APLP2: variants seen among roughly 807,000 people sequenced by gnomAD.
The protein encoded by APLP2 is CDEI box-binding protein.
Under a neutral mutation model 89.9 loss-of-function variants are expected in APLP2, and 53 were observed. The ratio of observed to expected loss-of-function variants is 0.59; its 90% CI spans 0.47 to 0.74. APLP2 has a LOEUF of 0.74. APLP2 is among the 30% of genes least tolerant of loss of function. The pLI, the probability that APLP2 is intolerant of heterozygous loss-of-function variation, is 0.00. For synonymous variants in APLP2, 372 were observed against 348.6 expected, an observed-to-expected ratio of 1.07 and a Z score of -0.75; for missense variants, 973 against 975.9, an observed-to-expected ratio of 1.00 and a Z score of 0.04.
At chr11:130,074,845 C>T (rs781383877) in intron 1 of APLP2, among the ~76,000 whole-genome samples, 4 of 152,000 alleles carry the variant, frequency 2.6e-5, no homozygotes, top group Non-Finnish European at 5.9e-5. Flanking sequence ...TAATGTTTTC[C>T]GTGTGACAAA....
At chr11:130,083,879 T>C (rs996071034) in intron 1 of APLP2, among the ~76,000 whole-genome samples, 2 of 152,196 alleles carry the variant, frequency 1.3e-5, no homozygotes, top group Non-Finnish European at 2.9e-5. Flanking sequence ...ATAATTCTAC[T>C]TTTAATTTTT....
intron 1 of APLP2, among the ~76,000 whole-genome samples, chr11:130,093,508 G>A (rs1008783773): frequency 6.6e-6 from 1 of 152,192 alleles, no homozygotes; most frequent in Non-Finnish European, 1.5e-5. Context: ...AAATCTTCCA[G>A]AAGGAGAAAA....
At chr11:130,082,951 A>G (rs915155071) in intron 1 of APLP2, among the ~76,000 whole-genome samples, 1 of 152,046 alleles carries the variant, frequency 6.6e-6, no homozygotes, top group Non-Finnish European at 1.5e-5. Context: ...TGAACAGCCT[A>G]AAGTCCACAG....
At position 130,123,674 on chromosome 11, in the gene APLP2, G is replaced by C; in HGVS notation, c.985G>C (p.Asp329His). ...CRAVMPRWYF[D>H]LSKGKCVRFI... is the part of the protein sequence containing the mutation. ...GGCCGTGATGCCTCGTTGGTACTTCGACCTCTCCAAGGGAAAGTGCGTGCG... is the reference window on the plus strand; with the variant it reads ...GGCCGTGATGCCTCGTTGGTACTTCCACCTCTCCAAGGGAAAGTGCGTGCG... The change falls in exon 7 of 17, where the codon GAC (aspartate) becomes CAC (histidine). Residue 329 changes from aspartate to histidine, a missense_variant. Coordinates refer to ENST00000338167, the MANE Select transcript of APLP2 (RefSeq NM_001142276.2). The surrounding 1 kb of genome is among the most constrained non-coding windows in gnomAD (Gnocchi z 4.0). 6.2e-7 allele frequency: 1 copy of C among 1,614,262 alleles called. No individual in the cohort carries two copies. Among genetic ancestry groups the C allele is most frequent in the Non-Finnish European group, 8.5e-7 (1 of 1,180,050 alleles).
At chr11:130,079,226 G>A (rs1353507724) in intron 1 of APLP2, among the ~76,000 whole-genome samples, 1 of 152,018 alleles carries the variant, frequency 6.6e-6, no homozygotes, top group Non-Finnish European at 1.5e-5. Flanking sequence ...AGCCTTCTGA[G>A]TAGCTGGGAT....
At chr11:130,125,729 C>T (rs1042891068) in intron 7 of APLP2, among the ~76,000 whole-genome samples, 4 of 152,234 alleles carry the variant, frequency 2.6e-5, no homozygotes, top group African/African-American at 9.7e-5. Flanking sequence ...TTGGCATTCA[C>T]TCTCCACTTA....
intron 1 of APLP2, among the ~76,000 whole-genome samples, chr11:130,104,260 C>T (rs1947351165): frequency 1.5e-5 from 2 of 137,160 alleles, no homozygotes; most frequent in South Asian, 2.3e-4. Context: ...CTCTGTTGCC[C>T]AGTCTGGAGT....
chr11:130,092,390 TAGTG>T (rs1370805461), intron 1 of APLP2, among the ~76,000 whole-genome samples: 5 of 110,736 alleles, frequency 4.5e-5, no homozygotes, highest in Non-Finnish European at 8.8e-5. Flanking sequence ...GTGTAGGTTG[TAGTG>T]AGCCGAGATC....
At chr11:130,092,441 TGAGTGAAC>T (rs1243531845) in intron 1 of APLP2, among the ~76,000 whole-genome samples, 2 of 123,742 alleles carry the variant, frequency 1.6e-5, no homozygotes, top group African/African-American at 7.2e-5. Flanking sequence ...CATTGAGCAC[TGAGTGAAC>T]GAGACTCCGT....
intron 12 of APLP2, among the ~76,000 whole-genome samples, chr11:130,133,965 C>CT (rs975479694): frequency 6.6e-6 from 1 of 152,250 alleles, no homozygotes; most frequent in African/African-American, 2.4e-5. Context: ...GACCTTCACT[C>CT]TGTTAGCGGA....
At chr11:130,135,104 C>T (rs180966232) in intron 12 of APLP2, among the ~76,000 whole-genome samples, 157 of 151,772 alleles carry the variant, frequency 1.0e-3, no homozygotes, top group Non-Finnish European at 1.7e-3. Flanking sequence ...GGGGTGGATA[C>T]GTCTAGAGAT....
At chr11:130,139,338 A>G (rs1423222855) in intron 13 of APLP2, 2 of 152,230 alleles carry the variant, frequency 1.3e-5, no homozygotes, top group African/African-American at 4.8e-5. Flanking sequence ...GCCTTTGACA[A>G]GCCCAGGGAC....
chr11:130,125,209 C>T (rs1403550123), intron 7 of APLP2, among the ~76,000 whole-genome samples: 3 of 152,164 alleles, frequency 2.0e-5, no homozygotes, highest in African/African-American at 7.2e-5. Context: ...CCACAGGGAC[C>T]GAGGGTGTCT....
intron 7 of APLP2, among the ~76,000 whole-genome samples, chr11:130,124,021 C>T (rs1436183152): frequency 2.6e-5 from 4 of 152,132 alleles, no homozygotes; most frequent in South Asian, 4.1e-4. Flanking sequence ...GGTGATGGTG[C>T]GTACCCACCT....
In APLP2 at chr11:130,144,588, CTTTCTT is replaced by C. The variant is rs1952756411; in HGVS notation, c.*1144_*1149del. The C allele has an allele frequency of 6.6e-6, 1 of 152,558 alleles. No individual in the cohort carries two copies. The highest frequency in any genetic ancestry group is 1.5e-5 in the Non-Finnish European group (1 of 68,008). 9.5% of individuals were successfully genotyped at this position (152,558 alleles called of 1,614,324 possible). A position where few individuals can be genotyped will look rare whatever the true frequency, so the allele number is the denominator to read the frequency against. ...TCGATGCTCACTGCTTCTGCTTTTT[CTTTCTT>C]TTTATTTTAAATCTGAAGGTTCTGG... On this transcript the variant is annotated 3_prime_UTR_variant, in exon 17 of 17. Transcript: ENST00000338167.
At chr11:130,076,554 A>G (rs1242925934) in intron 1 of APLP2, among the ~76,000 whole-genome samples, 3 of 152,184 alleles carry the variant, frequency 2.0e-5, no homozygotes, top group Non-Finnish European at 2.9e-5. Context: ...CAGATACTCA[A>G]TCAGTGGCCA....
At chr11:130,132,224 T>C (rs1259138448) in intron 11 of APLP2, among the ~76,000 whole-genome samples, 1 of 152,194 alleles carries the variant, frequency 6.6e-6, no homozygotes, top group Non-Finnish European at 1.5e-5. Flanking sequence ...TTCATTTGCA[T>C]TTTTTCTTCA....
intron 10 of APLP2, 134 bp from the exon 11 acceptor site, chr11:130,129,904 C>A: frequency 2.9e-6 from 3 of 1,019,424 alleles, no homozygotes; most frequent in Non-Finnish European, 4.3e-6. Flanking sequence ...GCTAAAAAAG[C>A]CTTCCAGTTA....
At chr11:130,090,765 A>G (rs1445830286) in intron 1 of APLP2, among the ~76,000 whole-genome samples, 2 of 152,218 alleles carry the variant, frequency 1.3e-5, no homozygotes, top group African/African-American at 4.8e-5. Context: ...GCCCGCTCTC[A>G]ATGAGCCGTT....
Sources: gnomAD v4.1 joint callset for allele counts (sites outside exome capture counted in the v4.1 genomes callset) on GRCh38, gnomAD v4.1.1 for gene constraint, Gnocchi (gnomAD v3.1) non-coding constraint, MANE v1.5 for transcripts, NCBI Gene and HGNC (gene_info 2026-07-23, HGNC 2026-07-21) for gene names.